Variants in SNX30 observed in about 807,000 individuals in gnomAD.
The protein encoded by SNX30 is sorting nexin-30.
A neutral mutation model predicts 46.4 loss-of-function variants in SNX30; 24 were observed. That is an observed-to-expected ratio of 0.52 (90% CI 0.37 to 0.73). The LOEUF is 0.73. Ranked by LOEUF, SNX30 falls within the 30% of genes least tolerant of loss-of-function variation. SNX30 has a pLI of 0.00. For synonymous variants in SNX30, 189 were observed against 211.5 expected, an observed-to-expected ratio of 0.89 and a Z score of 0.92; for missense variants, 533 against 555.7, an observed-to-expected ratio of 0.96 and a Z score of 0.41.
chr9:112,818,930 A>G (rs958252612), intron 3 of SNX30, among the ~76,000 whole-genome samples: 1 of 152,140 alleles, frequency 6.6e-6, no homozygotes, highest in Non-Finnish European at 1.5e-5. Context: ...TCCGAGCCTG[A>G]AGTTTTGCTT....
chr9:112,803,826 A>G (rs2131400544), intron 1 of SNX30, among the ~76,000 whole-genome samples: 1 of 37,776 alleles, frequency 2.6e-5, no homozygotes, highest in Non-Finnish European at 5.4e-5. Context: ...CAGGTGTGGG[A>G]TATAGTCTCG....
rs1244559150 is a variant in SNX30, at chr9:112,873,359, C to CT, written c.*4517dup. On this transcript the variant is annotated 3_prime_UTR_variant, in exon 9 of 9. Coordinates refer to ENST00000374232, the MANE Select transcript of SNX30 (RefSeq NM_001012994.2). ...ATGCCACAGACTTTTCAAAGCCCAA[C>CT]TCTACTTTTTTGAGAATTTGTCCGT... 2 of 152,216 alleles carry CT rather than the reference C, an allele frequency of 1.3e-5. No homozygotes were observed. Among genetic ancestry groups the CT allele is most frequent in the African/African-American group, 4.8e-5 (2 of 41,444 alleles). 9.4% of individuals were successfully genotyped at this position (152,216 alleles called of 1,614,324 possible).
chr9:112,821,395 C>T (rs1840490970), intron 3 of SNX30, among the ~76,000 whole-genome samples: 2 of 151,452 alleles, frequency 1.3e-5, no homozygotes, highest in Admixed American at 6.6e-5. Flanking sequence ...GTTCTTTTTT[C>T]AAATTTTATA....
chr9:112,884,724 C>T (rs141107641), downstream of SNX30, among the ~76,000 whole-genome samples: 854 of 152,316 alleles, frequency 5.6e-3, 23 homozygotes, highest in East Asian at 0.013. Context: ...CATAAGCGCT[C>T]AATCAGTTGC....
intron 1 of SNX30, among the ~76,000 whole-genome samples, chr9:112,773,130 G>C (rs974692831): frequency 6.6e-6 from 1 of 152,210 alleles, no homozygotes; most frequent in African/African-American, 2.4e-5. Flanking sequence ...GTGTGAGGCC[G>C]TTGCAGCTGC....
chr9:112,842,716 A>G (rs58247585), intron 6 of SNX30, among the ~76,000 whole-genome samples: 12,337 of 152,308 alleles, frequency 0.081, 545 homozygotes, highest in Non-Finnish European at 0.1. Flanking sequence ...CTGGCCTCCA[A>G]CTGTATCTCT....
At position 112,842,793 on chromosome 9, in the gene SNX30, C is replaced by G. The variant is rs370764802; in HGVS notation, c.1014+4096C>G. Among the ~76,000 whole-genome samples the G allele has an allele frequency of 1.4e-4, 22 of 152,294 alleles. No individual in the cohort carries two copies. The South Asian group carries it at 3.7e-3, about 26-fold the overall frequency. ...GGTAGAGAGCATAGAAAAATAGGGT[C>G]ATTATCAAGGCACTCGGAACAAATG... On this transcript the variant is annotated intron_variant, in intron 6 of 8. Coordinates refer to ENST00000374232, the MANE Select transcript of SNX30 (RefSeq NM_001012994.2).
chr9:112,778,455 A>G (rs1839784925), intron 1 of SNX30, among the ~76,000 whole-genome samples: 1 of 151,962 alleles, frequency 6.6e-6, no homozygotes, highest in Non-Finnish European at 1.5e-5. Flanking sequence ...TATTTTTAGT[A>G]GAGAGGGGGT....
chr9:112,868,510 A>G (rs1398858425), intron 8 of SNX30, among the ~76,000 whole-genome samples: 1 of 152,172 alleles, frequency 6.6e-6, no homozygotes, highest in Non-Finnish European at 1.5e-5. Flanking sequence ...CAGTAAATCC[A>G]TTTCCATTCA....
chr9:112,828,360 C>T (rs1228617870), intron 3 of SNX30, among the ~76,000 whole-genome samples: 1 of 151,950 alleles, frequency 6.6e-6, no homozygotes, highest in East Asian at 1.9e-4. Context: ...GAGCAATAGC[C>T]TATACCGTAT....
chr9:112,794,456 A>G (rs747953952), intron 1 of SNX30, among the ~76,000 whole-genome samples: 26 of 152,168 alleles, frequency 1.7e-4, no homozygotes, highest in Non-Finnish European at 3.2e-4. Context: ...TGGCCAACAC[A>G]TTCTTTAAGC....
intron 6 of SNX30, among the ~76,000 whole-genome samples, chr9:112,846,990 G>T (rs1466713409): frequency 6.6e-6 from 1 of 152,116 alleles, no homozygotes; most frequent in Non-Finnish European, 1.5e-5. Flanking sequence ...TCTTTTTTGG[G>T]ACAAATCCAG....
intron 3 of SNX30, among the ~76,000 whole-genome samples, chr9:112,827,207 C>T (rs1272462515): frequency 6.6e-6 from 1 of 152,204 alleles, no homozygotes; most frequent in Non-Finnish European, 1.5e-5. Context: ...AGTCTTACAA[C>T]AAAGACACCC....
At chr9:112,864,474 C>CAGGATTCCCAGCTTG in intron 8 of SNX30, 75 bp downstream of exon 8, 1 of 1,570,252 alleles carries the variant, frequency 6.4e-7, no homozygotes, top group South Asian at 1.1e-5. Context: ...AATCCACAAG[C>CAGGATTCCCAGCTTG]TGGGAATCCT....
At chr9:112,781,122 T>G (rs1839839467) in intron 1 of SNX30, among the ~76,000 whole-genome samples, 1 of 152,216 alleles carries the variant, frequency 6.6e-6, no homozygotes, top group South Asian at 2.1e-4. Flanking sequence ...ATTTTTAGTG[T>G]GTTGTAGTAG....
rs753110895 is a variant in SNX30, at chr9:112,836,420, TGTTGAG to T, written c.814+14_814+19del. On this transcript the variant is annotated intron_variant, in intron 5 of 8. Transcript: ENST00000374232. The stretch of plus-strand genomic sequence containing the variant: ...TCAAAGAAGAAATAGGTGAGCTGTC[TGTTGAG>T]GTCTCGATTATGCCCTGCAGCCACA... 1 of 1,584,296 alleles carries T rather than the reference TGTTGAG, an allele frequency of 6.3e-7. No individual in the cohort carries two copies. The highest frequency in any genetic ancestry group is 2.3e-5 in the East Asian group (1 of 43,988).
intron 1 of SNX30, among the ~76,000 whole-genome samples, chr9:112,766,580 A>G (rs1839540877): frequency 6.6e-6 from 1 of 152,186 alleles, no homozygotes; most frequent in South Asian, 2.1e-4. Flanking sequence ...TCATCTTGCA[A>G]AACTGAAATT....
chr9:112,805,356 C>T (rs1395383200), intron 2 of SNX30, among the ~76,000 whole-genome samples: 1 of 152,010 alleles, frequency 6.6e-6, no homozygotes, highest in Non-Finnish European at 1.5e-5. Context: ...TTGATGGTAG[C>T]AGGAGGAGGA....
intron 1 of SNX30, among the ~76,000 whole-genome samples, chr9:112,762,439 C>T (rs1588106873): frequency 2.0e-5 from 3 of 152,132 alleles, no homozygotes; most frequent in East Asian, 3.9e-4. Flanking sequence ...AGATCTCTCC[C>T]CCGAGAGGTT....
Sources: gnomAD v4.1 joint callset for allele counts (sites outside exome capture counted in the v4.1 genomes callset) on GRCh38, gnomAD v4.1.1 for gene constraint, MANE v1.5 for transcripts, NCBI Gene and HGNC (gene_info 2026-07-23, HGNC 2026-07-21) for gene names.